Variants in TBC1D22A observed in about 807,000 individuals in gnomAD.
The protein encoded by TBC1D22A is putative GTPase activator.
TBC1D22A carries 38 observed loss-of-function variants against 60.2 expected under a neutral mutation model. That is an observed-to-expected ratio of 0.63 (90% CI 0.49 to 0.83). The LOEUF is 0.83. Ranked by LOEUF, TBC1D22A falls within the 40% of genes least tolerant of loss-of-function variation. The pLI is 0.00. For synonymous variants in TBC1D22A, 302 were observed against 281.7 expected (o/e 1.07, Z -0.72); for missense variants, 628 against 701.0 (o/e 0.90, Z 1.18).
At chr22:46,979,932 A>G (rs2074447700) in intron 9 of TBC1D22A, among the ~76,000 whole-genome samples, 1 of 151,970 alleles carries the variant, frequency 6.6e-6, no homozygotes, top group Admixed American at 6.5e-5. Context: ...ATCTCCTGCC[A>G]CAGGCCTGTG....
intron 10 of TBC1D22A, among the ~76,000 whole-genome samples, chr22:47,013,699 C>T (rs752683393): frequency 6.6e-6 from 1 of 152,190 alleles, no homozygotes; most frequent in Non-Finnish European, 1.5e-5. Context: ...TTCCTTTCCA[C>T]ACCATAAGCC....
Position 46,806,534 on chromosome 22 carries a change from TTTAAA to T in TBC1D22A, c.637+8926_637+8930del, listed in dbSNP as rs929996187. Among the ~76,000 whole-genome samples, 647 of 149,430 alleles carry T rather than the reference TTTAAA, an allele frequency of 4.3e-3. 1 individual carries two copies. Among genetic ancestry groups the T allele is most frequent in the African/African-American group, 0.015 (612 of 41,240 alleles). On this transcript the variant is annotated intron_variant, in intron 4 of 12. Transcript: ENST00000337137. ...AAAAATTTTTAAATTTAAATTAAAT[TTTAAA>T]TTAAATTAAATATTAAAAATATTTA... is the stretch of plus-strand genomic sequence containing the variant.
At chr22:47,003,968 TACACACCCTACGCACACATGCCTGTATAC>T (rs1569325187) in intron 10 of TBC1D22A, among the ~76,000 whole-genome samples, 3 of 103,604 alleles carry the variant, frequency 2.9e-5, no homozygotes, top group Admixed American at 9.2e-5. Context: ...CATGCCTGTA[TACACACCCTACGCACACATGCCTGTATAC>T]ACACACCCTA....
chr22:47,059,294 G>A (rs1029139217), intron 11 of TBC1D22A, among the ~76,000 whole-genome samples: 1 of 152,254 alleles, frequency 6.6e-6, no homozygotes, highest in African/African-American at 2.4e-5. Flanking sequence ...TCTGGTGTGG[G>A]AGCCCTTTCT....
At chr22:47,045,171 T>C (rs1233839339) in intron 11 of TBC1D22A, among the ~76,000 whole-genome samples, 1 of 152,216 alleles carries the variant, frequency 6.6e-6, no homozygotes, top group African/African-American at 2.4e-5. Context: ...GATAAGACCT[T>C]TGTTCTTTCT....
chr22:46,791,799 C>A (rs932354372), intron 1 of TBC1D22A, among the ~76,000 whole-genome samples: 1 of 152,226 alleles, frequency 6.6e-6, no homozygotes, highest in African/African-American at 2.4e-5. Flanking sequence ...CTTGCTCTGT[C>A]ACCCAGGCTG....
chr22:46,936,492 C>T (rs1049229351), intron 8 of TBC1D22A, among the ~76,000 whole-genome samples: 6 of 152,074 alleles, frequency 3.9e-5, no homozygotes, highest in Admixed American at 1.3e-4. Flanking sequence ...GAACTGTGCC[C>T]GCTGGGGCCT....
At chr22:47,135,088 A>T (rs1292535414) in intron 12 of TBC1D22A, among the ~76,000 whole-genome samples, 1 of 152,178 alleles carries the variant, frequency 6.6e-6, no homozygotes, top group African/African-American at 2.4e-5. Flanking sequence ...TGGGAAGGGG[A>T]CACTGGCTGT....
chr22:46,860,631 T>C (rs1225558039), intron 4 of TBC1D22A, among the ~76,000 whole-genome samples: 6 of 148,960 alleles, frequency 4.0e-5, no homozygotes, highest in Admixed American at 6.7e-5. Flanking sequence ...CGCGCAGTGC[T>C]GTGCCCCTTC....
chr22:46,956,705 G>T (rs372897712), intron 8 of TBC1D22A, among the ~76,000 whole-genome samples: 1 of 152,202 alleles, frequency 6.6e-6, no homozygotes, highest in Non-Finnish European at 1.5e-5. Context: ...TGTGGGGCGC[G>T]TTCCCCTCAG....
At chr22:46,805,781 C>T (rs937303955) in intron 4 of TBC1D22A, among the ~76,000 whole-genome samples, 17 of 152,158 alleles carry the variant, frequency 1.1e-4, no homozygotes, top group African/African-American at 3.9e-4. Context: ...GTGTGTCTCT[C>T]ACCGCCCCCC....
chr22:46,897,720 C>T (rs1181469285), intron 7 of TBC1D22A, among the ~76,000 whole-genome samples: 2 of 146,288 alleles, frequency 1.4e-5, no homozygotes, highest in Non-Finnish European at 3.0e-5. Flanking sequence ...CCTCCAGACC[C>T]TATTCTCCTG....
At chr22:46,923,041 G>A (rs963410556) in intron 8 of TBC1D22A, among the ~76,000 whole-genome samples, 1 of 152,130 alleles carries the variant, frequency 6.6e-6, no homozygotes, top group African/African-American at 2.4e-5. Flanking sequence ...TCCATTCAGT[G>A]TGCTGTTGAT....
chr22:47,149,643 T>C (rs567400765), intron 12 of TBC1D22A, among the ~76,000 whole-genome samples: 2 of 152,106 alleles, frequency 1.3e-5, no homozygotes, highest in Non-Finnish European at 2.9e-5. Context: ...GCCGGAAGGA[T>C]GGCAGAGCCG....
chr22:47,042,259 G>A lies in TBC1D22A; in HGVS notation c.1329+5061G>A, dbSNP rs919789300. Among the ~76,000 whole-genome samples, 35 of 152,340 alleles carry A rather than the reference G, an allele frequency of 2.3e-4. 1 individual carries two copies. The highest frequency in any genetic ancestry group is 7.5e-4 in the African/African-American group (31 of 41,580). On this transcript the variant is annotated intron_variant, in intron 11 of 12. Transcript: ENST00000337137. ...TCCAGTCTCTCAGTTACCAGGCTGT[G>A]CATGGCTGGAGCAGAGACCGGGAGC...
chr22:46,864,436 G>A (rs1313400829), intron 4 of TBC1D22A, among the ~76,000 whole-genome samples: 1 of 152,194 alleles, frequency 6.6e-6, no homozygotes, highest in African/African-American at 2.4e-5. Flanking sequence ...TTTCCCTCCT[G>A]GCTGTCTGTG....
intron 11 of TBC1D22A, among the ~76,000 whole-genome samples, chr22:47,061,641 T>C (rs78724343): frequency 0.014 from 2,197 of 152,278 alleles, 47 homozygotes; most frequent in African/African-American, 0.05. Context: ...TATGCCCCTT[T>C]TCACCTGACT....
intron 11 of TBC1D22A, among the ~76,000 whole-genome samples, chr22:47,052,536 G>T (rs2063259780): frequency 6.6e-6 from 1 of 152,202 alleles, no homozygotes. Flanking sequence ...CAGTGGGGAG[G>T]GGACTCGCCT....
intron 8 of TBC1D22A, among the ~76,000 whole-genome samples, chr22:46,927,810 A>C (rs2071133457): frequency 6.6e-6 from 1 of 152,208 alleles, no homozygotes; most frequent in South Asian, 2.1e-4. Flanking sequence ...TAAAAATGGA[A>C]CTAGGAAAAT....
Sources: allele counts gnomAD v4.1 joint callset (sites outside exome capture counted in the v4.1 genomes callset), GRCh38; gene constraint gnomAD v4.1.1; transcripts MANE v1.5; gene names NCBI Gene and HGNC (gene_info 2026-07-23, HGNC 2026-07-21).